Variants in SYNE1 observed in about 807,000 individuals in gnomAD.
SYNE1 encodes the protein spectrin repeat containing nuclear envelope protein 1.
In SYNE1, 616 loss-of-function variants were observed where a neutral mutation model predicts 1,111.0. That is an observed-to-expected ratio of 0.55 (90% CI 0.52 to 0.59). The LOEUF (loss-of-function observed/expected upper bound fraction) is 0.59. Ranked by LOEUF, SYNE1 falls within the 20% of genes least tolerant of loss-of-function variation. The probability of loss-of-function intolerance (pLI) is 0.00; values close to 1 mark genes in which losing one functional copy is unlikely to be tolerated. For synonymous variants in SYNE1, 3,855 were observed against 3,825.8 expected (o/e 1.01, Z -0.28); for missense variants, 10,006 against 10,417.0 (o/e 0.96, Z 1.72).
chr6:152,278,342 C>A, intron 97 of SYNE1, 62 bp from the exon 98 acceptor site: 1 of 1,585,662 alleles, frequency 6.3e-7, no homozygotes, highest in Middle Eastern at 1.7e-4. Flanking sequence ...AAGACTGTTT[C>A]CCACAGTGAA....
intron 98 of SYNE1, among the ~76,000 whole-genome samples, chr6:152,275,393 T>C (rs1296873822): frequency 6.6e-6 from 1 of 152,226 alleles, no homozygotes; most frequent in African/African-American, 2.4e-5. Context: ...AAATACAGTT[T>C]ATCACGTTTC....
intron 3 of SYNE1, among the ~76,000 whole-genome samples, chr6:152,550,558 A>T (rs189333021): frequency 6.6e-6 from 1 of 151,182 alleles, no homozygotes; most frequent in East Asian, 1.9e-4. Flanking sequence ...TCTCGTATGT[A>T]TGGGGGTGTG....
rs2098471141 is a variant in SYNE1, at chr6:152,436,037, T to G, written c.4214A>C (p.Glu1405Ala). Reference protein sequence around the residue: ...QAENLVKEASEIPLGPQNKQL... With the variant: ...QAENLVKEASAIPLGPQNKQL... ...CTTATTTTGGGGCCCAAGCGGTATCTCTGAAGCTTCCTTTACAAGGTTCTC... is the reference window on the plus strand; with the variant it reads ...CTTATTTTGGGGCCCAAGCGGTATCGCTGAAGCTTCCTTTACAAGGTTCTC... Residue 1405 changes from glutamate (E) to alanine (A), a missense_variant, in exon 33 of 146, where the codon GAG (glutamate) becomes GCG (alanine). Transcript: ENST00000367255. 1.9e-6 allele frequency: 3 copies of G among 1,614,166 alleles called. No individual in the cohort carries two copies. Among genetic ancestry groups the G allele is most frequent in the Non-Finnish European group, 2.5e-6 (3 of 1,180,018 alleles).
In SYNE1 at chr6:152,628,380, G is replaced by A. The variant is rs373654060; in HGVS notation, c.-49C>T. On this transcript the variant is annotated 5_prime_UTR_variant, in exon 3 of 146. Transcript: ENST00000367255. ...AACACCAAGAGACTCTTCACTGGAG[G>A]CAGCACAGGGCTACACCACTCTAGA... 559 of 1,560,164 alleles carry A rather than the reference G, an allele frequency of 3.6e-4. No homozygotes were observed. Among genetic ancestry groups the A allele is most frequent in the Non-Finnish European group, 4.6e-4 (520 of 1,130,814 alleles).
chr6:152,317,243 T>TA lies in SYNE1; in HGVS notation c.16573-258_16573-257insT, dbSNP rs541798750. 2.9e-3 allele frequency among the ~76,000 whole-genome samples: 432 copies of TA among 151,250 alleles called. 2 individuals are homozygous for TA. Among genetic ancestry groups the TA allele is most frequent in the African/African-American group, 0.01 (416 of 41,250 alleles). On this transcript the variant is annotated intron_variant, in intron 86 of 145. Coordinates refer to ENST00000367255, the MANE Select transcript of SYNE1 (RefSeq NM_182961.4). ...TTCTTTTTTCTTTTTTCTTTTTTTT[T>TA]TTTTTCCAAGGTCTTACTGTCACCC... is the stretch of plus-strand genomic sequence containing the variant.
intron 115 of SYNE1, among the ~76,000 whole-genome samples, chr6:152,228,967 C>T (rs991989993): frequency 5.9e-5 from 9 of 152,158 alleles, no homozygotes; most frequent in African/African-American, 1.2e-4. Flanking sequence ...ATTCTCTATA[C>T]GATGTTTTTC....
In SYNE1 at chr6:152,122,686, G is replaced by A. The variant is rs749838365; in HGVS notation, c.26154-10C>T. The A allele has an allele frequency of 1.7e-5, 28 of 1,613,640 alleles. No individual in the cohort carries two copies. Among genetic ancestry groups the A allele is most frequent in the Non-Finnish European group, 2.5e-6 (3 of 1,179,892 alleles). On this transcript the variant is annotated splice_polypyrimidine_tract_variant and intron_variant, in intron 145 of 145. Transcript: ENST00000367255. ...GCCACCTTTTGTGGACCTGAGAGAA[G>A]AATGGACATAAATTACTCAGATAAC...
At chr6:152,126,879 C>G (rs936239564) in intron 145 of SYNE1, 2 of 152,184 alleles carry the variant, frequency 1.3e-5, no homozygotes, top group African/African-American at 4.8e-5. Flanking sequence ...GAGTTAATTT[C>G]GTGCATGCAT....
At chr6:152,221,373 A>T in intron 118 of SYNE1, 53 bp downstream of exon 118, 1 of 1,595,754 alleles carries the variant, frequency 6.3e-7, no homozygotes, top group Admixed American at 1.7e-5. Context: ...TTATATCATT[A>T]TTTATAATAA....
At chr6:152,142,059 T>A (rs756516934) in intron 138 of SYNE1, among the ~76,000 whole-genome samples, 39 of 151,622 alleles carry the variant, frequency 2.6e-4, no homozygotes, top group Non-Finnish European at 2.7e-4. Flanking sequence ...GGTGACAGAG[T>A]GTGAGACCCT....
At chr6:152,305,102 A>G (rs2095330171) in intron 91 of SYNE1, among the ~76,000 whole-genome samples, 1 of 152,224 alleles carries the variant, frequency 6.6e-6, no homozygotes, top group African/African-American at 2.4e-5. Flanking sequence ...AATTTCAGGT[A>G]GAGTGGCCGC....
At chr6:152,567,939 G>T (rs1190915320) in intron 3 of SYNE1, among the ~76,000 whole-genome samples, 2 of 152,156 alleles carry the variant, frequency 1.3e-5, no homozygotes, top group African/African-American at 4.8e-5. Flanking sequence ...TCCAGAAAGA[G>T]ACTTGTGTCT....
At chr6:152,146,871 A>G (rs1246867995) in intron 137 of SYNE1, 1 of 151,976 alleles carries the variant, frequency 6.6e-6, no homozygotes, top group Non-Finnish European at 1.5e-5. Flanking sequence ...TCCTCCGTTC[A>G]CTCCAGGACC....
intron 3 of SYNE1, among the ~76,000 whole-genome samples, chr6:152,557,052 T>C (rs1340306584): frequency 6.6e-6 from 1 of 151,938 alleles, no homozygotes; most frequent in Admixed American, 6.6e-5. Context: ...GAAAGGCAGC[T>C]AACCCAAATC....
rs1009878017 is a variant in SYNE1 at position 152,155,824 on chromosome 6, A to G, written c.23978+86T>C. ...ATTTTTGGACATTGTAACGAACAGG[A>G]AAGAGTGAACAGTGGATACTCTGGG... is the stretch of plus-strand genomic sequence containing the variant. On this transcript the variant is annotated intron_variant, in intron 132 of 145. Transcript: ENST00000367255. 3 of 1,523,538 alleles carry G rather than the reference A, an allele frequency of 2.0e-6. No individual in the cohort carries two copies. In the African/African-American group the frequency reaches 4.1e-5, roughly 21 times the overall value. The allele number at this position is 1,523,538 out of a possible 1,614,324, so 94.4% of individuals were successfully genotyped here. A position where few individuals can be genotyped will look rare whatever the true frequency, so the allele number is the denominator to read the frequency against.
chr6:152,227,602 A>G (rs1388829179), intron 115 of SYNE1, among the ~76,000 whole-genome samples: 1 of 152,200 alleles, frequency 6.6e-6, no homozygotes, highest in Non-Finnish European at 1.5e-5. Flanking sequence ...TTTACTATTT[A>G]GAACTTTTCT....
chr6:152,443,933 G>A (rs1592817602), intron 30 of SYNE1, among the ~76,000 whole-genome samples: 1 of 152,132 alleles, frequency 6.6e-6, no homozygotes, highest in Non-Finnish European at 1.5e-5. Context: ...CTTTATAAGA[G>A]TGTACACTCC....
chr6:152,407,625 C>T (rs544098), intron 44 of SYNE1, among the ~76,000 whole-genome samples: 72,136 of 151,786 alleles, frequency 0.48, 18,032 homozygotes, highest in East Asian at 0.75. Context: ...TATAACATAA[C>T]GCATATGAAA....
chr6:152,374,684 G>A (rs2097250298), intron 58 of SYNE1, among the ~76,000 whole-genome samples: 2 of 152,106 alleles, frequency 1.3e-5, no homozygotes, highest in South Asian at 2.1e-4. Flanking sequence ...TGAGGCAGGA[G>A]GATTGCTTGA....
Sources: allele counts gnomAD v4.1 joint callset (sites outside exome capture counted in the v4.1 genomes callset), GRCh38; gene constraint gnomAD v4.1.1; transcripts MANE v1.5; gene names NCBI Gene and HGNC (gene_info 2026-07-23, HGNC 2026-07-21).